Variants in CTR9 observed in about 807,000 individuals in gnomAD.
The protein encoded by CTR9 is CTR9 component of Paf1/RNA polymerase II complex, also known as RNA polymerase-associated protein CTR9 homolog.
A neutral mutation model predicts 152.1 loss-of-function variants in CTR9; 41 were observed. The ratio of observed to expected loss-of-function variants is 0.27; its 90% CI spans 0.21 to 0.35. The LOEUF is 0.35. Among genes scored for constraint, CTR9 ranks in the 10% least tolerant of loss-of-function variants. CTR9 has a pLI of 1.00. For synonymous variants in CTR9, 476 were observed against 496.2 expected (o/e 0.96, Z 0.54); for missense variants, 917 against 1,424.4 (o/e 0.64, Z 5.73).
At chr11:10,760,139 C>G (rs753256362) in intron 5 of CTR9, 34 bp from the exon 6 acceptor site, 1 of 1,600,442 alleles carries the variant, frequency 6.2e-7, no homozygotes. Context: ...AAAAAATGCC[C>G]TAGTTTGATA....
chr11:10,772,771 A>C, intron 20 of CTR9, 116 bp downstream of exon 20: 1 of 1,079,090 alleles, frequency 9.3e-7, no homozygotes, highest in Non-Finnish European at 1.3e-6. Context: ...TCTAATTCCA[A>C]CACTTTGGGA....
At chr11:10,775,749 A>G in intron 24 of CTR9, 116 bp downstream of exon 24, 1 of 653,240 alleles carries the variant, frequency 1.5e-6, no homozygotes, top group Non-Finnish European at 2.5e-6. Flanking sequence ...CTTTATAAAT[A>G]ATAAGAGGGG....
chr11:10,760,718 A>G (rs779696371), intron 6 of CTR9, among the ~76,000 whole-genome samples: 7 of 152,186 alleles, frequency 4.6e-5, no homozygotes, highest in Non-Finnish European at 1.0e-4. Flanking sequence ...CAAAAAACAC[A>G]TCCCAGTGCC....
At position 10,770,274 on chromosome 11, in the gene CTR9, G is replaced by A. The variant is rs375227779; in HGVS notation, c.2174G>A (p.Arg725Gln). The change falls in exon 17 of 25, where the codon CGG (arginine) becomes CAG (glutamine). Residue 725 changes from arginine (R) to glutamine (Q), a missense_variant. Coordinates refer to ENST00000361367, the MANE Select transcript of CTR9 (RefSeq NM_014633.5). The part of the protein sequence containing the change: ...QNTEVVLYLA[R>Q]ALFKCGKLQE... ...ACTGAAGTTGTACTCTATTTGGCCC[G>A]GGCCCTCTTCAAGTGTGGCAAGTTA... 5.0e-6 allele frequency: 8 copies of A among 1,613,844 alleles called. No homozygotes were observed. The highest frequency in any genetic ancestry group is 2.2e-5 in the East Asian group (1 of 44,876).
chr11:10,755,289 TTTC>T, intron 3 of CTR9, 92 bp downstream of exon 3: 1 of 1,383,416 alleles, frequency 7.2e-7, no homozygotes, highest in Non-Finnish European at 9.8e-7. Flanking sequence ...TGAAAGAGTT[TTTC>T]TTCAAGTAAC....
At position 10,767,216 on chromosome 11, in the gene CTR9, C is replaced by T. The variant is rs1357987987; in HGVS notation, c.1687-590C>T. On this transcript the variant is annotated intron_variant, in intron 13 of 24. Coordinates refer to ENST00000361367, the MANE Select transcript of CTR9 (RefSeq NM_014633.5). This position sits in a 1 kb window ranked among gnomAD's most constrained non-coding sequence, Gnocchi z 4.0. Reference sequence around the variant, plus strand: ...ATTTTTGTAAATCATTTTCAGGCTTCTGCAGCTGTAGATTCTCACTGTGAA... The same window carrying T: ...ATTTTTGTAAATCATTTTCAGGCTTTTGCAGCTGTAGATTCTCACTGTGAA... 3 of 152,784 alleles carry T rather than the reference C, an allele frequency of 2.0e-5. No homozygotes were observed. The highest frequency in any genetic ancestry group is 7.2e-5 in the African/African-American group (3 of 41,454). The allele number at this position is 152,784 out of a possible 1,614,324, so 9.5% of individuals were successfully genotyped here.
chr11:10,757,698 G>C (rs1326126519), intron 5 of CTR9, among the ~76,000 whole-genome samples: 1 of 152,226 alleles, frequency 6.6e-6, no homozygotes, highest in African/African-American at 2.4e-5. Context: ...GTGGCAGGCA[G>C]TGTTCTAAAC....
intron 20 of CTR9, 49 bp downstream of exon 20, chr11:10,772,704 C>A: frequency 6.6e-7 from 1 of 1,504,032 alleles, no homozygotes; most frequent in Non-Finnish European, 8.9e-7. Context: ...TGTGTGCATG[C>A]ATACACTTTG....
In CTR9 at chr11:10,760,332, G is replaced by GA. The variant is rs773599215; in HGVS notation, c.741+17dup. On this transcript the variant is annotated intron_variant, in intron 6 of 24. Transcript: ENST00000361367. ...CTCAACAATAAAGAGGTATGTAAAT[G>GA]AAAAAAGTATCTAGCTCCTAACTGC... 3.5e-5 allele frequency: 56 copies of GA among 1,602,346 alleles called. No individual in the cohort carries two copies. The highest frequency in any genetic ancestry group is 4.6e-5 in the Non-Finnish European group (54 of 1,174,232).
chr11:10,757,851 G>A (rs1355321070), intron 5 of CTR9, among the ~76,000 whole-genome samples: 2 of 152,158 alleles, frequency 1.3e-5, no homozygotes, highest in African/African-American at 4.8e-5. Flanking sequence ...GCAGAAAAAG[G>A]GTATGAGAAG....
intron 6 of CTR9, among the ~76,000 whole-genome samples, chr11:10,761,285 C>T (rs1362396669): frequency 1.5e-5 from 2 of 137,740 alleles, no homozygotes; most frequent in Admixed American, 1.4e-4. Context: ...TGATTCATCC[C>T]CCGGGCCTGG....
intron 23 of CTR9, 44 bp from the exon 24 acceptor site, chr11:10,775,477 A>C: frequency 6.6e-7 from 1 of 1,515,994 alleles, no homozygotes; most frequent in Admixed American, 1.7e-5. Flanking sequence ...AAGATGGCCT[A>C]ATGTAAGAGT....
In CTR9 at chr11:10,762,971, G is replaced by A. The variant is rs140667247; in HGVS notation, c.850-460G>A. ...AGTGGTGAGCCATGATGGCGCCACT[G>A]CACTCCAGCCCATGCAACAGAGTGA... On this transcript the variant is annotated intron_variant, in intron 7 of 24. Coordinates refer to ENST00000361367, the MANE Select transcript of CTR9 (RefSeq NM_014633.5). Among the ~76,000 whole-genome samples the A allele has an allele frequency of 3.1e-4, 47 of 150,324 alleles. No homozygotes were observed. In the East Asian group the frequency reaches 9.5e-3, roughly 30 times the overall value.
At chr11:10,753,056 G>A (rs1862830107) in intron 2 of CTR9, among the ~76,000 whole-genome samples, 1 of 152,120 alleles carries the variant, frequency 6.6e-6, no homozygotes, top group South Asian at 2.1e-4. Flanking sequence ...GCTGGCTTAT[G>A]GTTTATAGAT....
At position 10,763,833 on chromosome 11, in the gene CTR9, C is replaced by A. The variant is rs757773398; in HGVS notation, c.1148C>A (p.Ser383Tyr). Residue 383 changes from serine to tyrosine, a missense_variant, in exon 9 of 25, where the codon TCT becomes TAT. Physicochemically the swap from Ser to Tyr is moderately radical, Grantham distance 144. Around this residue, in one of 9 missense-constraint regions of CTR9, gnomAD observed 133 missense variants for 244.1 expected, o/e 0.54. Coordinates refer to ENST00000361367, the MANE Select transcript of CTR9 (RefSeq NM_014633.5). ...TACGAAACTATGAAAATTCTCGGCT[C>A]TCTCTATGCTGCCTCAGAAGATCAA... ...NNYETMKILG[S>Y]LYAASEDQEK... The A allele has an allele frequency of 6.2e-7, 1 of 1,613,478 alleles. No individual in the cohort carries two copies. Among genetic ancestry groups the A allele is most frequent in the Admixed American group, 1.7e-5 (1 of 59,938 alleles).
chr11:10,777,395 G>A (rs1225487061), intron 24 of CTR9, among the ~76,000 whole-genome samples: 31 of 151,618 alleles, frequency 2.0e-4, no homozygotes, highest in Non-Finnish European at 3.8e-4. Flanking sequence ...TTTTATAAAA[G>A]CAAAATAAAC....
At position 10,751,246 on chromosome 11, in the gene CTR9, G is replaced by A. The variant is rs1212456183; in HGVS notation, c.-167G>A. ...AGTGGCCGTCCGCCGTCCGCTGCTC[G>A]TTGTTTAAGCGGCTGACGGGAAGGA... On this transcript the variant is annotated 5_prime_UTR_variant, in exon 1 of 25. Transcript: ENST00000361367. 5.9e-6 allele frequency: 4 copies of A among 673,086 alleles called. No individual in the cohort carries two copies. In the East Asian group the frequency reaches 1.1e-4, roughly 19 times the overall value. The allele number at this position is 673,086 out of a possible 1,614,324, so 41.7% of individuals were successfully genotyped here.
In CTR9 at chr11:10,766,302, C is replaced by T. The variant is rs532906015; in HGVS notation, c.1598-100C>T. The T allele has an allele frequency of 2.8e-4, 227 of 804,294 alleles. 2 individuals are homozygous for T. Among genetic ancestry groups the T allele is most frequent in the South Asian group, 1.3e-3 (81 of 63,384 alleles). 49.8% of individuals were successfully genotyped at this position (804,294 alleles called of 1,614,324 possible). On this transcript the variant is annotated intron_variant, in intron 12 of 24. Transcript: ENST00000361367. ...TGGGACTTTTCTGTTCCTTTTATGG[C>T]GGTATTAATGAAAAAAAATTGTTTC...
At position 10,767,757 on chromosome 11, in the gene CTR9, C is replaced by T. The variant is rs968828070; in HGVS notation, c.1687-49C>T. ...GCTATTGTGGGAAGATGATTGATCT[C>T]TGTCAAACTAAACTGCAGATTTTCC... On this transcript the variant is annotated intron_variant, in intron 13 of 24. Coordinates refer to ENST00000361367, the MANE Select transcript of CTR9 (RefSeq NM_014633.5). This position sits in a 1 kb window ranked among gnomAD's most constrained non-coding sequence, Gnocchi z 4.0. 1.3e-6 allele frequency: 2 copies of T among 1,520,024 alleles called. No individual in the cohort carries two copies. The highest frequency in any genetic ancestry group is 2.7e-5 in the African/African-American group (2 of 73,030). The allele number at this position is 1,520,024 out of a possible 1,614,324, so 94.2% of individuals were successfully genotyped here. A position where few individuals can be genotyped will look rare whatever the true frequency, so the allele number is the denominator to read the frequency against.
Sources: gnomAD v4.1 joint callset for allele counts (sites outside exome capture counted in the v4.1 genomes callset) on GRCh38, gnomAD v4.1.1 for gene constraint, gnomAD v4.1.1 regional missense constraint, Gnocchi (gnomAD v3.1) non-coding constraint, MANE v1.5 for transcripts, NCBI Gene and HGNC (gene_info 2026-07-23, HGNC 2026-07-21) for gene names.